RPTOR: variants seen among roughly 807,000 people sequenced by gnomAD.
RPTOR encodes regulatory associated protein of MTOR complex 1.
In RPTOR, 21 loss-of-function variants were observed where a neutral mutation model predicts 169.9. That is an observed-to-expected ratio of 0.12 (90% confidence interval 0.09 to 0.18). RPTOR has a LOEUF of 0.18. Among genes scored for constraint, RPTOR ranks in the 10% least tolerant of loss-of-function variants. The pLI is 1.00. For synonymous variants in RPTOR, 732 were observed against 753.2 expected, an observed-to-expected ratio of 0.97 and a Z score of 0.46; for missense variants, 1,133 against 1,855.9, an observed-to-expected ratio of 0.61 and a Z score of 7.16.
At chr17:80,886,059 G>T (rs913228473) in intron 17 of RPTOR, among the ~76,000 whole-genome samples, 7 of 152,248 alleles carry the variant, frequency 4.6e-5, no homozygotes, top group Non-Finnish European at 2.9e-5. Context: ...TGCTCTATGG[G>T]CAGGGAGTGT....
intron 3 of RPTOR, among the ~76,000 whole-genome samples, chr17:80,676,984 T>C (rs954297679): frequency 2.6e-5 from 4 of 152,086 alleles, no homozygotes; most frequent in Admixed American, 6.5e-5. Context: ...CCCAAACATA[T>C]AGAAAGGTGA....
chr17:80,911,448 A>G lies in RPTOR; in HGVS notation c.2520+2519A>G, dbSNP rs934503450. 2.6e-5 allele frequency among the ~76,000 whole-genome samples: 4 copies of G among 152,358 alleles called. No homozygotes were observed. In the South Asian group the frequency reaches 6.2e-4, roughly 24 times the overall value. ...TGCGGTAAGAAAACTAAGAAATAAT[A>G]TAATTATTTGCTTTTAAACTAGGAA... On this transcript the variant is annotated intron_variant, in intron 21 of 33. Coordinates refer to ENST00000306801, the MANE Select transcript of RPTOR (RefSeq NM_020761.3).
chr17:80,720,064 G>T (rs1298221137), intron 4 of RPTOR, among the ~76,000 whole-genome samples: 1 of 152,166 alleles, frequency 6.6e-6, no homozygotes, highest in Non-Finnish European at 1.5e-5. Context: ...CACTTTGGGA[G>T]GCCGAGGCGG....
chr17:80,944,782 G>A (rs1039064509), intron 25 of RPTOR, among the ~76,000 whole-genome samples: 3 of 152,158 alleles, frequency 2.0e-5, no homozygotes, highest in Non-Finnish European at 4.4e-5. Flanking sequence ...CTTGAGGTCA[G>A]GAGTTTGAGA....
At chr17:80,882,956 A>G (rs536514864) in intron 14 of RPTOR, among the ~76,000 whole-genome samples, 25 of 152,364 alleles carry the variant, frequency 1.6e-4, no homozygotes, top group Admixed American at 1.2e-3. Context: ...GCACAGAGGA[A>G]AGGACAGAAT....
rs951381876 is a variant in RPTOR, at chr17:80,633,566, C to T, written c.265+7773C>T. On this transcript the variant is annotated intron_variant, in intron 2 of 33. Coordinates refer to ENST00000306801, the MANE Select transcript of RPTOR (RefSeq NM_020761.3). This position sits in a 1 kb window ranked among gnomAD's most constrained non-coding sequence, Gnocchi z 4.1. ...GCATCACGCAGAGCTGCCTGCTTCA[C>T]GCGGGCTGCACCAGGTGATGCGGGG... 3.3e-5 allele frequency among the ~76,000 whole-genome samples: 5 copies of T among 152,242 alleles called. No homozygotes were observed. Among genetic ancestry groups the T allele is most frequent in the East Asian group, 1.9e-4 (1 of 5,204 alleles).
chr17:80,545,939 T>C (rs2084269071), intron 1 of RPTOR, 148 bp downstream of exon 1: 4 of 635,354 alleles, frequency 6.3e-6, no homozygotes, highest in Non-Finnish European at 5.1e-6. Flanking sequence ...CATTTCAGAC[T>C]GCAGTTTTTG....
intron 1 of RPTOR, among the ~76,000 whole-genome samples, chr17:80,601,261 G>A (rs1432697036): frequency 6.8e-5 from 1 of 14,658 alleles, no homozygotes; most frequent in Non-Finnish European, 1.7e-4. Flanking sequence ...CTGAGGACCC[G>A]GACATTGTGG....
At chr17:80,903,894 G>A (rs1043469095) in intron 20 of RPTOR, among the ~76,000 whole-genome samples, 1 of 152,240 alleles carries the variant, frequency 6.6e-6, no homozygotes, top group East Asian at 1.9e-4. Context: ...GAAGGAAAAG[G>A]CTTCACAACC....
intron 33 of RPTOR, 53 bp from the exon 34 acceptor site, chr17:80,964,209 C>CCCCCAG: frequency 1.5e-6 from 2 of 1,325,548 alleles, no homozygotes; most frequent in Non-Finnish European, 2.2e-6. Context: ...CCCCGCCCCC[C>CCCCCAG]GCAGTGTCTG....
At chr17:80,610,798 G>C (rs1327734025) in intron 1 of RPTOR, among the ~76,000 whole-genome samples, 1 of 152,154 alleles carries the variant, frequency 6.6e-6, no homozygotes. Flanking sequence ...AACCCAGAAA[G>C]TTCTTTTTGA....
chr17:80,568,670 G>T (rs1043382901), intron 1 of RPTOR, among the ~76,000 whole-genome samples: 1 of 152,038 alleles, frequency 6.6e-6, no homozygotes, highest in African/African-American at 2.4e-5. Context: ...CTCTCCCCTT[G>T]TTCCTCCTCA....
intron 9 of RPTOR, among the ~76,000 whole-genome samples, chr17:80,828,617 G>A (rs527291739): frequency 3.9e-5 from 6 of 152,188 alleles, no homozygotes; most frequent in Non-Finnish European, 7.3e-5. Flanking sequence ...CCTGCCCACC[G>A]TGCTCACCCT....
chr17:80,846,730 G>A (rs775892625), intron 11 of RPTOR, among the ~76,000 whole-genome samples, 156 bp downstream of exon 11: 1 of 152,240 alleles, frequency 6.6e-6, no homozygotes, highest in African/African-American at 2.4e-5. Context: ...TGGGCAGGTC[G>A]CATTCGGGCA....
At chr17:80,787,346 G>A (rs996124934) in intron 6 of RPTOR, among the ~76,000 whole-genome samples, 3 of 152,160 alleles carry the variant, frequency 2.0e-5, no homozygotes, top group African/African-American at 7.2e-5. Context: ...CTAACTCTGC[G>A]AATATGCCAC....
chr17:80,584,874 A>G (rs1270236905), intron 1 of RPTOR, among the ~76,000 whole-genome samples: 3 of 152,218 alleles, frequency 2.0e-5, no homozygotes, highest in Non-Finnish European at 4.4e-5. Context: ...ATGATCTTGG[A>G]TGTGTTGGGT....
intron 6 of RPTOR, among the ~76,000 whole-genome samples, chr17:80,784,531 A>G (rs1433612833): frequency 6.6e-6 from 1 of 151,524 alleles, no homozygotes; most frequent in Non-Finnish European, 1.5e-5. Flanking sequence ...AGCTGGGATT[A>G]TAGGCACCCA....
At chr17:80,624,181 A>G (rs1341845946) in intron 1 of RPTOR, among the ~76,000 whole-genome samples, 2 of 152,242 alleles carry the variant, frequency 1.3e-5, no homozygotes, top group Admixed American at 1.3e-4. Context: ...GGTCTTAGGA[A>G]TAATCCTAAT....
At chr17:80,663,435 A>G (rs750394605) in intron 3 of RPTOR, among the ~76,000 whole-genome samples, 3 of 151,466 alleles carry the variant, frequency 2.0e-5, no homozygotes, top group Non-Finnish European at 4.4e-5. Flanking sequence ...CTGCAGAGGA[A>G]TCTTTATTTA....
Sources: allele counts gnomAD v4.1 joint callset (sites outside exome capture counted in the v4.1 genomes callset), GRCh38; gene constraint gnomAD v4.1.1; non-coding constraint Gnocchi (gnomAD v3.1); transcripts MANE v1.5; gene names NCBI Gene and HGNC (gene_info 2026-07-23, HGNC 2026-07-21).